Variants in SYT2 observed in about 807,000 individuals in gnomAD.
SYT2 encodes the protein synaptotagmin-2.
SYT2 carries 15 observed loss-of-function variants against 39.9 expected under a neutral mutation model. The observed-to-expected ratio is 0.38, with a 90% CI of 0.25 to 0.58. The LOEUF is 0.58. SYT2 is among the 20% of genes least tolerant of loss of function. The pLI is 0.70. For missense variants in SYT2, 389 were observed against 530.3 expected (o/e 0.73, Z 2.62); for synonymous variants, 181 against 204.5 (o/e 0.89, Z 0.98).
chr1:202,620,903 C>G (rs753777524), intron 1 of SYT2, among the ~76,000 whole-genome samples: 13 of 152,158 alleles, frequency 8.5e-5, no homozygotes, highest in Non-Finnish European at 1.9e-4. Context: ...TCACAGAAGG[C>G]CCAGATGCCC....
At chr1:202,643,718 A>C (rs1171167615) in intron 1 of SYT2, among the ~76,000 whole-genome samples, 7 of 152,146 alleles carry the variant, frequency 4.6e-5, no homozygotes, top group Non-Finnish European at 8.8e-5. Context: ...TGTGTGCGGG[A>C]GGGACTAGGC....
chr1:202,647,571 C>T (rs1432779170), intron 1 of SYT2, among the ~76,000 whole-genome samples: 2 of 152,256 alleles, frequency 1.3e-5, no homozygotes, highest in African/African-American at 4.8e-5. Context: ...ACCCCTGCCC[C>T]CAGGCCCTAG....
At chr1:202,684,761 C>T (rs531651828) in intron 1 of SYT2, among the ~76,000 whole-genome samples, 3 of 152,194 alleles carry the variant, frequency 2.0e-5, no homozygotes, top group Non-Finnish European at 4.4e-5. Flanking sequence ...TCTGACTTAC[C>T]ATGTCACTCA....
In SYT2 at chr1:202,707,753, T is replaced by G. The variant is rs12141884; in HGVS notation, c.-18+2505A>C. ...GGCGGGGAAGAAAAAGGAGACCCCA[T>G]TGAGATATGATAATGTTCAGATGGA... On this transcript the variant is annotated intron_variant, in intron 1 of 8. Transcript: ENST00000367268. Among the ~76,000 whole-genome samples the G allele has an allele frequency of 1.6e-4, 24 of 152,096 alleles. 1 individual carries two copies. Among genetic ancestry groups the G allele is most frequent in the Middle Eastern group, 3.4e-3 (1 of 292 alleles).
At chr1:202,624,862 T>C (rs1691329411) in intron 1 of SYT2, among the ~76,000 whole-genome samples, 2 of 82,462 alleles carry the variant, frequency 2.4e-5, no homozygotes, top group Admixed American at 1.5e-4. Context: ...TAGTAGGGTG[T>C]GTGGTGTGTG....
At chr1:202,695,364 C>A (rs1653947276) in intron 1 of SYT2, among the ~76,000 whole-genome samples, 1 of 152,144 alleles carries the variant, frequency 6.6e-6, no homozygotes, top group African/African-American at 2.4e-5. Context: ...GGCTTCATGG[C>A]AGCCCAATCC....
intron 1 of SYT2, among the ~76,000 whole-genome samples, chr1:202,627,273 C>T (rs1210272513): frequency 1.3e-5 from 2 of 152,182 alleles, no homozygotes; most frequent in Non-Finnish European, 2.9e-5. Flanking sequence ...GAGGTGGGAA[C>T]GTGCCTTGTT....
intron 1 of SYT2, among the ~76,000 whole-genome samples, chr1:202,679,578 C>T (rs577133086): frequency 1.6e-4 from 25 of 152,182 alleles, no homozygotes; most frequent in Non-Finnish European, 2.8e-4. Flanking sequence ...CAAATGCAGA[C>T]TCTGTCTCCC....
At chr1:202,651,352 G>T (rs948721506) in intron 1 of SYT2, among the ~76,000 whole-genome samples, 1 of 144,750 alleles carries the variant, frequency 6.9e-6, no homozygotes, top group Non-Finnish European at 1.5e-5. Context: ...AAGAGAGGAC[G>T]CACAGGGGTG....
rs75753117 is a variant in SYT2 at position 202,644,732 on chromosome 1, G to C, written c.-17-38943C>G. ...AAAATCCAGTGTGCATGTGTGTTGGGGGGGGCAGTCACTCAGGGCTTTCCA... is the reference window on the plus strand; with the variant it reads ...AAAATCCAGTGTGCATGTGTGTTGGCGGGGGCAGTCACTCAGGGCTTTCCA... On this transcript the variant is annotated intron_variant, in intron 1 of 8. Transcript: ENST00000367268. 8.2e-3 allele frequency among the ~76,000 whole-genome samples: 1,245 copies of C among 152,228 alleles called. 6 individuals carry two copies. The highest frequency in any genetic ancestry group is 0.015 in the Non-Finnish European group (1,017 of 68,022).
chr1:202,627,825 A>T (rs932951474), intron 1 of SYT2, among the ~76,000 whole-genome samples: 27 of 151,986 alleles, frequency 1.8e-4, no homozygotes, highest in Admixed American at 3.3e-4. Context: ...ATAAAACCCA[A>T]CCCCATCCTG....
At chr1:202,702,768 A>G (rs767721103) in intron 1 of SYT2, among the ~76,000 whole-genome samples, 1 of 152,356 alleles carries the variant, frequency 6.6e-6, no homozygotes, top group Middle Eastern at 3.4e-3. Flanking sequence ...TGAAAGATAC[A>G]TGGCAGACAG....
chr1:202,701,287 G>A (rs1360961644), intron 1 of SYT2, among the ~76,000 whole-genome samples: 3 of 152,148 alleles, frequency 2.0e-5, no homozygotes, highest in African/African-American at 7.2e-5. Context: ...GGAGTTTGTT[G>A]GTTGTTCTTT....
intron 1 of SYT2, among the ~76,000 whole-genome samples, chr1:202,612,251 C>A (rs552689878): frequency 5.3e-5 from 8 of 152,250 alleles, no homozygotes; most frequent in African/African-American, 7.2e-5. Context: ...ATCTGTATGT[C>A]TAACCTCATG....
At chr1:202,619,328 T>C (rs554440735) in intron 1 of SYT2, among the ~76,000 whole-genome samples, 12 of 152,084 alleles carry the variant, frequency 7.9e-5, no homozygotes, top group Middle Eastern at 3.4e-3. Flanking sequence ...AAGCATGAAA[T>C]GGCGCCATTA....
chr1:202,640,774 GAGAGAGAGAGAGAGAGAGACAGAC>G (rs1558443869), intron 1 of SYT2, among the ~76,000 whole-genome samples: 36 of 136,700 alleles, frequency 2.6e-4, no homozygotes, highest in African/African-American at 9.6e-4. Flanking sequence ...GAGAGAGAGA[GAGAGAGAGAGAGAGAGAGACAGAC>G]AGACAGAGAG....
chr1:202,617,566 G>A (rs1691081060), intron 1 of SYT2, among the ~76,000 whole-genome samples: 1 of 152,124 alleles, frequency 6.6e-6, no homozygotes, highest in South Asian at 2.1e-4. Context: ...CCCAGTCTTA[G>A]GTTTTTCTTT....
At position 202,704,096 on chromosome 1, in the gene SYT2, G is replaced by A. The variant is rs28729162; in HGVS notation, c.-18+6162C>T. 1.1e-3 allele frequency among the ~76,000 whole-genome samples: 170 copies of A among 152,264 alleles called. 3 individuals are homozygous for A. The East Asian group carries it at 0.031, about 28-fold the overall frequency. ...CTGGTCCCAGACTGTCCAGTGATGA[G>A]GCCCTTGGGCTTCTAGTTTCTCTGC... On this transcript the variant is annotated intron_variant, in intron 1 of 8. Coordinates refer to ENST00000367268, the MANE Select transcript of SYT2 (RefSeq NM_177402.5).
chr1:202,644,030 A>G (rs1044986355), intron 1 of SYT2, among the ~76,000 whole-genome samples: 8 of 151,998 alleles, frequency 5.3e-5, no homozygotes, highest in East Asian at 1.9e-4. Context: ...CAAGGGAGAG[A>G]AGGGAGGGAG....
Sources: gnomAD v4.1 joint callset for allele counts (sites outside exome capture counted in the v4.1 genomes callset) on GRCh38, gnomAD v4.1.1 for gene constraint, MANE v1.5 for transcripts, NCBI Gene and HGNC (gene_info 2026-07-23, HGNC 2026-07-21) for gene names.